Variants in NEBL observed in about 807,000 individuals in gnomAD.
NEBL encodes the protein nebulette.
NEBL carries 122 observed loss-of-function variants against 140.2 expected under a neutral mutation model. The ratio of observed to expected loss-of-function variants is 0.87; its 90% CI spans 0.75 to 1.01. NEBL has a LOEUF of 1.01. Among genes scored for constraint, NEBL ranks in the 50% least tolerant of loss-of-function variants. NEBL has a pLI of 0.00. For missense variants in NEBL, 1,365 were observed against 1,231.3 expected (o/e 1.11, Z -1.62); for synonymous variants, 436 against 398.9 (o/e 1.09, Z -1.11).
At chr10:20,884,266 G>A (rs1846263926) in intron 4 of NEBL, among the ~76,000 whole-genome samples, 1 of 151,968 alleles carries the variant, frequency 6.6e-6, no homozygotes, top group Non-Finnish European at 1.5e-5. Flanking sequence ...TTTTAGAGAT[G>A]GAGTCTCACT....
chr10:20,945,566 A>G (rs973554655), intron 4 of NEBL, among the ~76,000 whole-genome samples: 13 of 152,234 alleles, frequency 8.5e-5, no homozygotes, highest in Non-Finnish European at 1.6e-4. Context: ...ATCCCAGCAC[A>G]TAAAGGAACA....
At chr10:20,852,868 A>C (rs1300902830) in intron 9 of NEBL, among the ~76,000 whole-genome samples, 3 of 152,244 alleles carry the variant, frequency 2.0e-5, no homozygotes. Flanking sequence ...AACACGCAAG[A>C]GAGGCAGAGG....
intron 2 of NEBL, among the ~76,000 whole-genome samples, chr10:21,089,620 G>T (rs895328745): frequency 6.6e-6 from 1 of 152,064 alleles, no homozygotes; most frequent in Admixed American, 6.6e-5. Flanking sequence ...GGCAAAAAGT[G>T]GGTGAAAGCC....
At chr10:21,240,502 G>A (rs12253331) in intron 3 of NEBL, among the ~76,000 whole-genome samples, 4,053 of 152,194 alleles carry the variant, frequency 0.027, 159 homozygotes, top group African/African-American at 0.092. Context: ...AATTAGCTGG[G>A]TGTGGTGGCA....
intron 2 of NEBL, among the ~76,000 whole-genome samples, chr10:21,105,591 G>A (rs1251119845): frequency 1.3e-5 from 2 of 152,080 alleles, no homozygotes; most frequent in Non-Finnish European, 2.9e-5. Context: ...TATCATTGAT[G>A]GACATTTGGG....
At chr10:21,075,750 T>C (rs1836038648) in intron 2 of NEBL, among the ~76,000 whole-genome samples, 1 of 152,196 alleles carries the variant, frequency 6.6e-6, no homozygotes, top group Non-Finnish European at 1.5e-5. Flanking sequence ...CCACTTGAAT[T>C]TAACTACTCT....
intron 2 of NEBL, among the ~76,000 whole-genome samples, chr10:21,146,058 G>A (rs898296260): frequency 2.0e-5 from 3 of 152,038 alleles, no homozygotes; most frequent in Non-Finnish European, 2.9e-5. Context: ...TTAAGCGCCC[G>A]CTATGAGCCA....
At chr10:20,891,978 G>A (rs1847073782) in intron 2 of NEBL, among the ~76,000 whole-genome samples, 1 of 152,044 alleles carries the variant, frequency 6.6e-6, no homozygotes. Context: ...AACTATATTG[G>A]TCAATGAAAC....
intron 3 of NEBL, among the ~76,000 whole-genome samples, chr10:21,232,018 C>A (rs1408816295): frequency 6.6e-6 from 1 of 152,108 alleles, no homozygotes; most frequent in South Asian, 2.1e-4. Flanking sequence ...CTCTTCATGA[C>A]AATATGATAT....
At chr10:21,287,446 G>A (rs1039782394) in intron 1 of NEBL, among the ~76,000 whole-genome samples, 1 of 152,186 alleles carries the variant, frequency 6.6e-6, no homozygotes, top group Non-Finnish European at 1.5e-5. Flanking sequence ...TGAGGCAAAA[G>A]AATAGCCTAA....
chr10:21,022,819 C>T (rs1480402171), intron 2 of NEBL, among the ~76,000 whole-genome samples: 4 of 152,204 alleles, frequency 2.6e-5, no homozygotes, highest in Non-Finnish European at 5.9e-5. Flanking sequence ...TCACACACAG[C>T]ATTCGGTTCT....
chr10:20,803,925 T>A (rs1837375839), intron 26 of NEBL, among the ~76,000 whole-genome samples: 1 of 150,802 alleles, frequency 6.6e-6, no homozygotes, highest in Non-Finnish European at 1.5e-5. Flanking sequence ...ATCATAAAAA[T>A]GTAAGAATCT....
At position 20,878,218 on chromosome 10, in the gene NEBL, A is replaced by G. The variant is rs373820934; in HGVS notation, c.480+2576T>C. 4.6e-5 allele frequency among the ~76,000 whole-genome samples: 7 copies of G among 152,266 alleles called. No individual in the cohort carries two copies. The East Asian group carries it at 1.4e-3, about 29-fold the overall frequency. The stretch of plus-strand genomic sequence containing the variant: ...TCATTCTTTTCTGCTTACTCACATT[A>G]CTAAAGGCACAAGAGAGAGACATCT... On this transcript the variant is annotated intron_variant, in intron 5 of 27. Transcript: ENST00000377122.
At chr10:20,807,290 C>G (rs372970065) in intron 26 of NEBL, among the ~76,000 whole-genome samples, 2 of 152,194 alleles carry the variant, frequency 1.3e-5, no homozygotes, top group African/African-American at 2.4e-5. Flanking sequence ...TGTGCCACTG[C>G]ACTCCAGCCT....
chr10:20,882,624 C>G lies in NEBL; in HGVS notation c.370-1720G>C, dbSNP rs527369970. Among the ~76,000 whole-genome samples, 32 of 152,132 alleles carry G rather than the reference C, an allele frequency of 2.1e-4. 1 individual carries two copies. The South Asian group carries it at 6.7e-3, about 32-fold the overall frequency. The stretch of plus-strand genomic sequence containing the variant: ...AACATTCTTGTGAGCTTAAACTCTT[C>G]ATTGGCTTTTATAAACAGTATTAAC... On this transcript the variant is annotated intron_variant, in intron 4 of 27. Coordinates refer to ENST00000377122, the MANE Select transcript of NEBL (RefSeq NM_006393.3).
At chr10:20,992,832 C>A (rs1391671436) in intron 3 of NEBL, among the ~76,000 whole-genome samples, 1 of 115,654 alleles carries the variant, frequency 8.6e-6, no homozygotes, top group Non-Finnish European at 1.6e-5. Context: ...GGCTGGAGTG[C>A]AGTGGTGTGA....
At position 20,870,739 on chromosome 10, in the gene NEBL, A is replaced by C. The variant is rs991568341; in HGVS notation, c.481-898T>G. On this transcript the variant is annotated intron_variant, in intron 5 of 27. Transcript: ENST00000377122. ...TCATTGGAATGACTTGAGCCTCCCA[A>C]AATAAAAACAATTACATTGAGTAAC... Among the ~76,000 whole-genome samples the C allele has an allele frequency of 4.6e-5, 7 of 152,206 alleles. No homozygotes were observed. The East Asian group carries it at 1.3e-3, about 29-fold the overall frequency.
Position 20,828,529 on chromosome 10 carries a change from C to G in NEBL, c.1776+1G>C. ...ACTTAAAAGAAGTAATGGCTACTCA[C>G]CGCACTAATGTTTTGTTGAGTTGTC... is the stretch of plus-strand genomic sequence containing the variant. On this transcript the variant is annotated splice_donor_variant, in intron 17 of 27. Transcript: ENST00000377122. LOFTEE classifies it high-confidence loss of function. The G allele has an allele frequency of 2.6e-6, 4 of 1,560,160 alleles. No homozygotes were observed. Among genetic ancestry groups the G allele is most frequent in the Non-Finnish European group, 3.5e-6 (4 of 1,131,482 alleles).
chr10:20,810,185 C>T (rs899092569), intron 24 of NEBL, among the ~76,000 whole-genome samples: 4 of 152,102 alleles, frequency 2.6e-5, no homozygotes, highest in African/African-American at 9.7e-5. Flanking sequence ...TGTGACCCAT[C>T]ACACAACACA....
Sources: gnomAD v4.1 joint callset for allele counts (sites outside exome capture counted in the v4.1 genomes callset) on GRCh38, gnomAD v4.1.1 for gene constraint, MANE v1.5 for transcripts, NCBI Gene and HGNC (gene_info 2026-07-23, HGNC 2026-07-21) for gene names.